The following ENTPD7 variants were observed in gnomAD, a reference collection of about 807,000 sequenced individuals.
The protein encoded by ENTPD7 is NTPDase 7.
Under a neutral mutation model 77.9 loss-of-function variants are expected in ENTPD7, and 53 were observed. The observed-to-expected ratio is 0.68, with a 90% confidence interval of 0.55 to 0.85. The LOEUF (loss-of-function observed/expected upper bound fraction) is 0.85. Ranked by LOEUF, ENTPD7 falls within the 40% of genes least tolerant of loss-of-function variation. The pLI is 0.00. For synonymous variants in ENTPD7, 248 were observed against 274.9 expected (o/e 0.90, Z 0.97); for missense variants, 636 against 743.7 (o/e 0.86, Z 1.68).
chr10:99,698,725 A>G lies in ENTPD7; in HGVS notation c.1202A>G (p.Asn401Ser), dbSNP rs752079975. 3 of 1,614,232 alleles carry G rather than the reference A, an allele frequency of 1.9e-6. No individual in the cohort carries two copies. The South Asian group carries it at 3.3e-5, about 18-fold the overall frequency. The change falls in exon 10 of 13, where the codon AAT (asparagine) becomes AGT (serine). Residue 401 changes from asparagine to serine, a missense_variant. This residue lies in a region of ENTPD7 where 486 missense variants were observed against 556.5 expected (regional missense o/e 0.87). Transcript: ENST00000370489. ...ARSNTSQASLNGIYQSPIDFN... is the reference protein window; with the variant it reads ...ARSNTSQASLSGIYQSPIDFN... ...TCCAACACCAGCCAGGCCTCACTCA[A>G]TGGCATATATCAATCGCCTATTGAC...
At chr10:99,693,336 C>T (rs974687327) in intron 8 of ENTPD7, among the ~76,000 whole-genome samples, 8 of 152,124 alleles carry the variant, frequency 5.3e-5, no homozygotes, top group Admixed American at 2.6e-4. Context: ...TCAGAATATC[C>T]ACAGGACTGT....
At position 99,707,364 on chromosome 10, in the gene ENTPD7, A is replaced by G. The variant is rs1315405614; in HGVS notation, c.*2681A>G. Among the ~76,000 whole-genome samples, 3 of 152,200 alleles carry G rather than the reference A, an allele frequency of 2.0e-5. No homozygotes were observed. Among genetic ancestry groups the G allele is most frequent in the Non-Finnish European group, 4.4e-5 (3 of 68,036 alleles). On this transcript the variant is annotated 3_prime_UTR_variant, in exon 13 of 13. Coordinates refer to ENST00000370489, the MANE Select transcript of ENTPD7 (RefSeq NM_020354.5). Reference sequence around the variant, plus strand: ...TCTTCTCCCAATTAATAGATTTTAAATGAAATCTTATTAGCTAGAAACAAA... The same window carrying G: ...TCTTCTCCCAATTAATAGATTTTAAGTGAAATCTTATTAGCTAGAAACAAA...
chr10:99,694,475 T>A (rs2035935873), intron 8 of ENTPD7, among the ~76,000 whole-genome samples: 1 of 152,172 alleles, frequency 6.6e-6, no homozygotes, highest in African/African-American at 2.4e-5. Flanking sequence ...CCTTTTTGGC[T>A]ATTATGCACA....
chr10:99,660,033 G>A lies in ENTPD7; in HGVS notation c.8+69G>A, dbSNP rs2035457975. The A allele has an allele frequency of 3.1e-6, 5 of 1,611,420 alleles. No individual in the cohort carries two copies. In the African/African-American group the frequency reaches 6.7e-5, roughly 22 times the overall value. ...ATGGCAGGCAGGTTGGGGGGCCCTGGGAGGCTGTCCCAAGTGAGGTTTGCC... is the reference window on the plus strand; with the variant it reads ...ATGGCAGGCAGGTTGGGGGGCCCTGAGAGGCTGTCCCAAGTGAGGTTTGCC... On this transcript the variant is annotated intron_variant, in intron 2 of 12. Coordinates refer to ENST00000370489, the MANE Select transcript of ENTPD7 (RefSeq NM_020354.5).
chr10:99,701,290 ATT>A (rs66537004), intron 11 of ENTPD7, among the ~76,000 whole-genome samples: 59,954 of 146,782 alleles, frequency 0.41, 12,208 homozygotes, highest in East Asian at 0.61. Context: ...AACAAAAGTG[ATT>A]TTTTTTTTTT....
intron 10 of ENTPD7, 59 bp downstream of exon 10, chr10:99,698,917 A>T: frequency 6.7e-7 from 1 of 1,489,210 alleles, no homozygotes; most frequent in East Asian, 2.3e-5. Flanking sequence ...TGAATGCCTC[A>T]CTCTGTGCCA....
intron 8 of ENTPD7, 82 bp downstream of exon 8, chr10:99,691,600 A>G: frequency 6.8e-7 from 1 of 1,467,842 alleles, no homozygotes; most frequent in Non-Finnish European, 9.3e-7. Context: ...ACTTAGACCA[A>G]CCTACCTGGC....
In ENTPD7 at chr10:99,694,532, T is replaced by C. The variant is rs1439753828; in HGVS notation, c.844-1424T>C. On this transcript the variant is annotated intron_variant, in intron 8 of 12. Coordinates refer to ENST00000370489, the MANE Select transcript of ENTPD7 (RefSeq NM_020354.5). ...TACACATTTTTCTATGTACATAAGT[T>C]TTTTTGTTTTTTTTTTTTTTTGAGA... Among the ~76,000 whole-genome samples the C allele has an allele frequency of 8.1e-5, 5 of 61,790 alleles. No homozygotes were observed. The Admixed American group carries it at 1.0e-3, about 13-fold the overall frequency. 40.5% of individuals were successfully genotyped at this position (61,790 alleles called of 152,430 possible). A position where few individuals can be genotyped will look rare whatever the true frequency, so the allele number is the denominator to read the frequency against.
chr10:99,707,792 C>T lies in ENTPD7; in HGVS notation c.*3109C>T, dbSNP rs947254713. The stretch of plus-strand genomic sequence containing the variant: ...CATAATGAAAAATATGTAAAATACC[C>T]ATTTATGTGGCATTTCATTCACTTA... On this transcript the variant is annotated 3_prime_UTR_variant, in exon 13 of 13. Transcript: ENST00000370489. Among the ~76,000 whole-genome samples the T allele has an allele frequency of 6.6e-6, 1 of 152,198 alleles. No homozygotes were observed. The highest frequency in any genetic ancestry group is 1.5e-5 in the Non-Finnish European group (1 of 68,024).
rs2036335004 is a variant in ENTPD7, at chr10:99,710,089, A to G, written c.*5406A>G. On this transcript the variant is annotated 3_prime_UTR_variant, in exon 13 of 13. Transcript: ENST00000370489. ...TAGCATAAAGACATGTCTGCTCCTG[A>G]GCCTCTTCTTTTAAAGGGCAACCAC... 1 of 985,236 alleles carries G rather than the reference A, an allele frequency of 1.0e-6. No individual in the cohort carries two copies. The highest frequency in any genetic ancestry group is 6.2e-5 in the Admixed American group (1 of 16,260). 61.0% of individuals were successfully genotyped at this position (985,236 alleles called of 1,614,324 possible).
rs10218977 is a variant in ENTPD7, at chr10:99,686,190, G to A, written c.652+295G>A. Among the ~76,000 whole-genome samples, 495 of 152,230 alleles carry A rather than the reference G, an allele frequency of 3.3e-3. 6 individuals carry two copies. Among genetic ancestry groups the A allele is most frequent in the African/African-American group, 0.011 (473 of 41,514 alleles). On this transcript the variant is annotated intron_variant, in intron 6 of 12. Transcript: ENST00000370489. ...CAGTTGGATATTTGGTTAGCTAACT[G>A]TACTTTTGAAAACATATATAGTTCT...
chr10:99,709,661 C>G lies in ENTPD7; in HGVS notation c.*4978C>G. 2.0e-6 allele frequency: 2 copies of G among 985,408 alleles called. No homozygotes were observed. The highest frequency in any genetic ancestry group is 2.4e-6 in the Non-Finnish European group (2 of 829,924). The allele number at this position is 985,408 out of a possible 1,614,324, so 61.0% of individuals were successfully genotyped here. The stretch of plus-strand genomic sequence containing the variant: ...ATCTAAGTTGGAAAGCTGTGGCACC[C>G]TGTTTGGGTGTCCCATCTACCCTGT... On this transcript the variant is annotated 3_prime_UTR_variant, in exon 13 of 13. Transcript: ENST00000370489.
chr10:99,669,809 G>T (rs2035598300), intron 3 of ENTPD7, among the ~76,000 whole-genome samples: 1 of 138,396 alleles, frequency 7.2e-6, no homozygotes, highest in African/African-American at 2.7e-5. Context: ...GAGTGCAGTG[G>T]TGCGATCTCG....
At chr10:99,699,909 C>T (rs551304271) in intron 10 of ENTPD7, among the ~76,000 whole-genome samples, 6 of 152,060 alleles carry the variant, frequency 3.9e-5, no homozygotes, top group African/African-American at 1.4e-4. Context: ...TCCTTCTTCC[C>T]TGCCTACCTT....
Position 99,698,803 on chromosome 10 carries a change from A to C in ENTPD7, c.1280A>C (p.Asp427Ala). Residue 427 changes from aspartate to alanine, a missense_variant, in exon 10 of 13, where the codon GAT becomes GCT. Physicochemically the swap from Asp to Ala is moderately radical, Grantham distance 126 (BLOSUM62 -2). Around this residue, in one of 3 missense-constraint regions of ENTPD7, gnomAD observed 486 missense variants for 556.5 expected, o/e 0.87. Coordinates refer to ENST00000370489, the MANE Select transcript of ENTPD7 (RefSeq NM_020354.5). ...TCTGAGTTTTTTTATTGTACAGAGG[A>C]TGTGTTGCGCATTGGTGGCCGCTAC... ...GFSEFFYCTE[D>A]VLRIGGRYHG... 1 of 1,613,546 alleles carries C rather than the reference A, an allele frequency of 6.2e-7. No homozygotes were observed.
At chr10:99,674,534 A>G (rs1427689041) in intron 3 of ENTPD7, among the ~76,000 whole-genome samples, 1 of 152,206 alleles carries the variant, frequency 6.6e-6, no homozygotes, top group Non-Finnish European at 1.5e-5. Context: ...TACCTCATAT[A>G]GGTGGAATCA....
intron 3 of ENTPD7, among the ~76,000 whole-genome samples, chr10:99,667,811 A>G (rs2035568630): frequency 6.6e-6 from 1 of 152,256 alleles, no homozygotes. Context: ...TTTAATAAAG[A>G]TAGACTCAAT....
chr10:99,696,258 G>C (rs1008386738), intron 9 of ENTPD7, 136 bp downstream of exon 9: 13 of 1,057,346 alleles, frequency 1.2e-5, no homozygotes, highest in Non-Finnish European at 1.7e-5. Context: ...CAATGGGGTA[G>C]CATCTCTTAA....
In ENTPD7 at chr10:99,709,845, G is replaced by A; in HGVS notation, c.*5162G>A. The A allele has an allele frequency of 1.0e-6, 1 of 985,266 alleles. No individual in the cohort carries two copies. Among genetic ancestry groups the A allele is most frequent in the Non-Finnish European group, 1.2e-6 (1 of 829,798 alleles). 61.0% of individuals were successfully genotyped at this position (985,266 alleles called of 1,614,324 possible). On this transcript the variant is annotated 3_prime_UTR_variant, in exon 13 of 13. Transcript: ENST00000370489. ...AGTTTGTCAGTACCGTTATCAGAGG[G>A]ACGAGGAAGGAATAACACACCAGTT...
Sources: gnomAD v4.1 joint callset for allele counts (sites outside exome capture counted in the v4.1 genomes callset) on GRCh38, gnomAD v4.1.1 for gene constraint, gnomAD v4.1.1 regional missense constraint, MANE v1.5 for transcripts, NCBI Gene and HGNC (gene_info 2026-07-23, HGNC 2026-07-21) for gene names.